The following FYB1 variants were observed in gnomAD, a reference collection of about 807,000 sequenced individuals.
FYB1 encodes the protein FYN binding protein 1.
Under a neutral mutation model 94.1 loss-of-function variants are expected in FYB1, and 41 were observed. That is an observed-to-expected ratio of 0.44 (90% CI 0.34 to 0.57). The LOEUF (loss-of-function observed/expected upper bound fraction) is 0.57. FYB1 is among the 20% of genes least tolerant of loss of function. The pLI, the probability that FYB1 is intolerant of heterozygous loss-of-function variation, is 0.02. For synonymous variants in FYB1, 367 were observed against 353.2 expected, an observed-to-expected ratio of 1.04 and a Z score of -0.44; for missense variants, 1,050 against 976.8, an observed-to-expected ratio of 1.07 and a Z score of -1.00.
chr5:39,114,945 C>A (rs1739390375), intron 16 of FYB1, among the ~76,000 whole-genome samples: 1 of 152,054 alleles, frequency 6.6e-6, no homozygotes, highest in African/African-American at 2.4e-5. Flanking sequence ...AAAGAAGTAT[C>A]ATGGTAGATT....
intron 16 of FYB1, among the ~76,000 whole-genome samples, chr5:39,111,335 G>A (rs970240304): frequency 4.2e-4 from 64 of 151,922 alleles, no homozygotes; most frequent in African/African-American, 1.4e-3. Context: ...CAATCTATTG[G>A]TTTTGGTCCA....
intron 1 of FYB1, among the ~76,000 whole-genome samples, chr5:39,252,836 T>A (rs1401795782): frequency 6.6e-6 from 1 of 152,216 alleles, no homozygotes; most frequent in African/African-American, 2.4e-5. Context: ...GGTTTCCAGA[T>A]TCATGAAATG....
chr5:39,241,730 C>A (rs1751215215), intron 1 of FYB1, among the ~76,000 whole-genome samples: 1 of 152,074 alleles, frequency 6.6e-6, no homozygotes, highest in Non-Finnish European at 1.5e-5. Context: ...ATGATACAGA[C>A]CACTCCTAGT....
intron 1 of FYB1, among the ~76,000 whole-genome samples, chr5:39,239,914 T>C (rs1305724562): frequency 6.6e-6 from 1 of 152,178 alleles, no homozygotes; most frequent in Non-Finnish European, 1.5e-5. Flanking sequence ...CAAACTATAC[T>C]ATAAGGCTAC....
intron 1 of FYB1, among the ~76,000 whole-genome samples, chr5:39,216,259 T>C (rs1446433963): frequency 6.6e-6 from 1 of 152,176 alleles, no homozygotes; most frequent in Non-Finnish European, 1.5e-5. Context: ...ACTTTTTTCG[T>C]GTGTGTGTAT....
At chr5:39,197,833 A>G (rs978483439) in intron 2 of FYB1, among the ~76,000 whole-genome samples, 2 of 152,232 alleles carry the variant, frequency 1.3e-5, no homozygotes, top group African/African-American at 4.8e-5. Context: ...GTAGGGAAGG[A>G]GGCATCTGAG....
chr5:39,159,221 G>A (rs1267426957), intron 2 of FYB1, among the ~76,000 whole-genome samples: 1 of 152,118 alleles, frequency 6.6e-6, no homozygotes. Flanking sequence ...GAATTATTAA[G>A]CATTTGTCTC....
At chr5:39,261,419 A>T (rs1323369004) in intron 1 of FYB1, among the ~76,000 whole-genome samples, 1 of 151,650 alleles carries the variant, frequency 6.6e-6, no homozygotes, top group Non-Finnish European at 1.5e-5. Context: ...CCCGTGCAAG[A>T]AGATATATGA....
chr5:39,237,102 A>G (rs1750998209), intron 1 of FYB1, among the ~76,000 whole-genome samples: 1 of 152,132 alleles, frequency 6.6e-6, no homozygotes, highest in Non-Finnish European at 1.5e-5. Context: ...GTTGGGCCCA[A>G]ATAATCTCTT....
At chr5:39,150,395 C>T (rs1213794966) in intron 3 of FYB1, among the ~76,000 whole-genome samples, 3 of 152,188 alleles carry the variant, frequency 2.0e-5, no homozygotes, top group Non-Finnish European at 4.4e-5. Context: ...TTGAAATGAC[C>T]AATCCACTTT....
intron 2 of FYB1, among the ~76,000 whole-genome samples, chr5:39,177,493 TG>T (rs1241762679): frequency 4.6e-5 from 7 of 152,198 alleles, no homozygotes; most frequent in African/African-American, 1.7e-4. Flanking sequence ...GGCCCAGGAC[TG>T]AATCTCTTGA....
Position 39,263,098 on chromosome 5 carries a change from A to G in FYB1, c.-28+11305T>C, listed in dbSNP as rs115552838. 8.9e-3 allele frequency among the ~76,000 whole-genome samples: 1,348 copies of G among 152,314 alleles called. 24 individuals carry two copies. Among genetic ancestry groups the G allele is most frequent in the African/African-American group, 0.031 (1,277 of 41,564 alleles). On this transcript the variant is annotated intron_variant, in intron 1 of 1. Coordinates refer to the FYB1 transcript ENST00000510188. Reference sequence around the variant, plus strand: ...TTGTTGTATTATGTGTTTCATAATAATTTAAAAAGAGAAGGACATGAGAGA... The same window carrying G: ...TTGTTGTATTATGTGTTTCATAATAGTTTAAAAAGAGAAGGACATGAGAGA...
chr5:39,133,677 T>C (rs949578128), intron 9 of FYB1, among the ~76,000 whole-genome samples: 1 of 152,170 alleles, frequency 6.6e-6, no homozygotes, highest in African/African-American at 2.4e-5. Context: ...AAGGTCATTT[T>C]AATCTAGTGG....
At chr5:39,265,764 G>A (rs893187372) in intron 1 of FYB1, among the ~76,000 whole-genome samples, 1 of 152,194 alleles carries the variant, frequency 6.6e-6, no homozygotes. Context: ...ACTACCCTAA[G>A]TGTAACCCGT....
chr5:39,255,812 A>T (rs1751913828), intron 1 of FYB1, among the ~76,000 whole-genome samples: 1 of 152,226 alleles, frequency 6.6e-6, no homozygotes, highest in Non-Finnish European at 1.5e-5. Context: ...TGGGTCTATT[A>T]ATGAAGACCA....
intron 2 of FYB1, among the ~76,000 whole-genome samples, chr5:39,183,100 G>A (rs557112928): frequency 6.6e-6 from 1 of 152,036 alleles, no homozygotes; most frequent in Non-Finnish European, 1.5e-5. Flanking sequence ...TCGGCTCATC[G>A]TAACCTCCGC....
chr5:39,151,688 A>G (rs1743265299), intron 3 of FYB1, among the ~76,000 whole-genome samples: 1 of 152,200 alleles, frequency 6.6e-6, no homozygotes, highest in African/African-American at 2.4e-5. Flanking sequence ...CAAAAGCACA[A>G]TGTAGTGGCT....
intron 1 of FYB1, among the ~76,000 whole-genome samples, chr5:39,238,260 T>A (rs532374061): frequency 6.6e-6 from 1 of 152,112 alleles, no homozygotes; most frequent in South Asian, 2.1e-4. Context: ...CTATAATATA[T>A]CTGTGTGTGT....
intron 1 of FYB1, among the ~76,000 whole-genome samples, chr5:39,224,696 C>A (rs1472442216): frequency 6.6e-6 from 1 of 152,130 alleles, no homozygotes; most frequent in Non-Finnish European, 1.5e-5. Flanking sequence ...GCTACTTCCC[C>A]TTACTCAACT....
Sources: gnomAD v4.1 joint callset for allele counts (sites outside exome capture counted in the v4.1 genomes callset) on GRCh38, gnomAD v4.1.1 for gene constraint, MANE v1.5 for transcripts, NCBI Gene and HGNC (gene_info 2026-07-23, HGNC 2026-07-21) for gene names.